CACNA2D3: variants seen among roughly 807,000 people sequenced by gnomAD.
The protein encoded by CACNA2D3 is calcium voltage-gated channel auxiliary subunit alpha2delta 3.
A neutral mutation model predicts 160.6 loss-of-function variants in CACNA2D3; 60 were observed. The ratio of observed to expected loss-of-function variants is 0.37; its 90% CI spans 0.30 to 0.46. The LOEUF (loss-of-function observed/expected upper bound fraction) is 0.46. Among genes scored for constraint, CACNA2D3 ranks in the 20% least tolerant of loss-of-function variants. The probability of loss-of-function intolerance (pLI) is 1.00; values close to 1 mark genes in which losing one functional copy is unlikely to be tolerated. For missense variants in CACNA2D3, 1,205 were observed against 1,365.0 expected (o/e 0.88, Z 1.85); for synonymous variants, 558 against 492.9 (o/e 1.13, Z -1.75).
intron 2 of CACNA2D3, among the ~76,000 whole-genome samples, chr3:54,125,952 C>T (rs750672871): frequency 6.6e-6 from 1 of 152,162 alleles, no homozygotes; most frequent in Non-Finnish European, 1.5e-5. Context: ...AATTAAGATG[C>T]TTTCAAAATG....
At chr3:54,954,256 G>A (rs1486746520) in intron 27 of CACNA2D3, among the ~76,000 whole-genome samples, 1 of 152,166 alleles carries the variant, frequency 6.6e-6, no homozygotes, top group Non-Finnish European at 1.5e-5. Context: ...CGAGTCAGTC[G>A]GCAGCTCCCT....
intron 2 of CACNA2D3, among the ~76,000 whole-genome samples, chr3:54,266,398 C>T (rs937195425): frequency 1.3e-5 from 2 of 152,174 alleles, no homozygotes; most frequent in Admixed American, 6.5e-5. Context: ...TTTAAGAACT[C>T]TGATTTTCTG....
intron 2 of CACNA2D3, among the ~76,000 whole-genome samples, chr3:54,313,078 C>G (rs1172889164): frequency 1.3e-5 from 2 of 152,070 alleles, no homozygotes; most frequent in Admixed American, 1.3e-4. Context: ...TGGGGTGGTT[C>G]ATTATGTGCA....
At chr3:54,345,198 C>T (rs555669850) in intron 3 of CACNA2D3, among the ~76,000 whole-genome samples, 2 of 152,346 alleles carry the variant, frequency 1.3e-5, no homozygotes, top group South Asian at 4.1e-4. Flanking sequence ...CTTGCTTTCA[C>T]TTTGCCCTGC....
chr3:55,001,900 C>T (rs558065341), intron 31 of CACNA2D3, among the ~76,000 whole-genome samples: 11 of 152,218 alleles, frequency 7.2e-5, no homozygotes, highest in Middle Eastern at 3.4e-3. Flanking sequence ...GGCTCACGCC[C>T]ATAATCCCAG....
At chr3:55,007,098 A>ATT (rs1265679667) in intron 32 of CACNA2D3, among the ~76,000 whole-genome samples, 1 of 152,206 alleles carries the variant, frequency 6.6e-6, no homozygotes, top group African/African-American at 2.4e-5. Flanking sequence ...AATTCAGGAA[A>ATT]TTGAATTATC....
At chr3:55,022,420 T>C (rs1487029716) in intron 35 of CACNA2D3, among the ~76,000 whole-genome samples, 1 of 152,156 alleles carries the variant, frequency 6.6e-6, no homozygotes, top group Non-Finnish European at 1.5e-5. Flanking sequence ...ATTTCTGTTA[T>C]CTGATAGTTT....
At chr3:54,146,064 GT>G (rs1700025035) in intron 2 of CACNA2D3, among the ~76,000 whole-genome samples, 1 of 151,984 alleles carries the variant, frequency 6.6e-6, no homozygotes, top group Non-Finnish European at 1.5e-5. Flanking sequence ...GGTTGTTATT[GT>G]TGTTGTTATT....
intron 2 of CACNA2D3, among the ~76,000 whole-genome samples, chr3:54,152,555 C>T (rs1576962722): frequency 6.6e-6 from 1 of 152,104 alleles, no homozygotes; most frequent in Admixed American, 6.5e-5. Context: ...CCTCGTGGCC[C>T]AGGGAGCAGT....
At chr3:54,555,689 G>T (rs1296063917) in intron 5 of CACNA2D3, among the ~76,000 whole-genome samples, 1 of 152,144 alleles carries the variant, frequency 6.6e-6, no homozygotes, top group Non-Finnish European at 1.5e-5. Context: ...ACTGGCACTG[G>T]GGGTAATTTC....
chr3:54,284,173 C>T (rs886887620), intron 2 of CACNA2D3, among the ~76,000 whole-genome samples: 4 of 151,896 alleles, frequency 2.6e-5, no homozygotes, highest in East Asian at 1.9e-4. Flanking sequence ...TGCTAAATGA[C>T]GAGTTAATGG....
chr3:54,285,761 T>G (rs1172092144), intron 2 of CACNA2D3, among the ~76,000 whole-genome samples: 1 of 152,184 alleles, frequency 6.6e-6, no homozygotes, highest in African/African-American at 2.4e-5. Context: ...CAGCAGCATT[T>G]GCGGTTCACC....
intron 13 of CACNA2D3, among the ~76,000 whole-genome samples, chr3:54,772,259 A>G (rs1053319164): frequency 6.6e-6 from 1 of 150,690 alleles, no homozygotes; most frequent in African/African-American, 2.4e-5. Flanking sequence ...TCTTTGCTTG[A>G]CTCATCAGTT....
chr3:54,562,796 A>G lies in CACNA2D3; in HGVS notation c.545-4A>G. The G allele has an allele frequency of 6.2e-7, 1 of 1,610,810 alleles. No homozygotes were observed. The highest frequency in any genetic ancestry group is 8.5e-7 in the Non-Finnish European group (1 of 1,177,786). On this transcript the variant is annotated splice_polypyrimidine_tract_variant and splice_region_variant and intron_variant, in intron 5 of 37. Transcript: ENST00000474759. ...ACCCCTCTCTCTCTCTTTCTTTTTTACAGACCCTGCAATTGTCAATGGGGT... is the reference window on the plus strand; with the variant it reads ...ACCCCTCTCTCTCTCTTTCTTTTTTGCAGACCCTGCAATTGTCAATGGGGT...
chr3:54,388,587 G>C (rs1699228758), intron 4 of CACNA2D3, among the ~76,000 whole-genome samples: 2 of 152,236 alleles, frequency 1.3e-5, no homozygotes, highest in African/African-American at 4.8e-5. Context: ...AGCTGGCCCA[G>C]CTCTTTGAGC....
chr3:54,350,733 C>T (rs563784791), intron 3 of CACNA2D3, among the ~76,000 whole-genome samples: 4 of 152,198 alleles, frequency 2.6e-5, no homozygotes, highest in South Asian at 2.1e-4. Flanking sequence ...TCGAGATACT[C>T]GAAGCATCAA....
intron 25 of CACNA2D3, among the ~76,000 whole-genome samples, chr3:54,893,731 C>G (rs1700121243): frequency 6.6e-6 from 1 of 152,082 alleles, no homozygotes; most frequent in African/African-American, 2.4e-5. Flanking sequence ...CCGCCACCTG[C>G]ATTTGGAAGT....
intron 11 of CACNA2D3, among the ~76,000 whole-genome samples, chr3:54,659,548 G>A (rs1406535231): frequency 6.6e-6 from 1 of 152,070 alleles, no homozygotes; most frequent in Non-Finnish European, 1.5e-5. Context: ...GTCTGCCTAC[G>A]GCTTCCCTGT....
intron 4 of CACNA2D3, among the ~76,000 whole-genome samples, chr3:54,394,225 C>T (rs1032140040): frequency 6.6e-6 from 1 of 152,014 alleles, no homozygotes; most frequent in Non-Finnish European, 1.5e-5. Flanking sequence ...CAACCCAGCT[C>T]CCCGGAGCGG....
Sources: gnomAD v4.1 joint callset for allele counts (sites outside exome capture counted in the v4.1 genomes callset) on GRCh38, gnomAD v4.1.1 for gene constraint, MANE v1.5 for transcripts, NCBI Gene and HGNC (gene_info 2026-07-23, HGNC 2026-07-21) for gene names.